The following AP2B1 variants were observed in gnomAD, a reference collection of about 807,000 sequenced individuals.
The protein encoded by AP2B1 is adaptor related protein complex 2 subunit beta 1.
In AP2B1, 23 loss-of-function variants were observed where a neutral mutation model predicts 102.0. The ratio of observed to expected loss-of-function variants is 0.23; its 90% CI spans 0.16 to 0.32. The LOEUF (loss-of-function observed/expected upper bound fraction) is 0.32. Ranked by LOEUF, AP2B1 falls within the 10% of genes least tolerant of loss-of-function variation. The pLI, the probability that AP2B1 is intolerant of heterozygous loss-of-function variation, is 1.00. For missense variants in AP2B1, 541 were observed against 1,157.4 expected (o/e 0.47, Z 7.73); for synonymous variants, 381 against 421.2 (o/e 0.90, Z 1.17).
At chr17:35,655,188 G>T (rs1234976158) in intron 13 of AP2B1, among the ~76,000 whole-genome samples, 1 of 152,076 alleles carries the variant, frequency 6.6e-6, no homozygotes, top group Non-Finnish European at 1.5e-5. Context: ...TAATAGATTA[G>T]TCCAATCTGT....
chr17:35,706,317 G>A (rs1365189128), intron 18 of AP2B1, among the ~76,000 whole-genome samples: 2 of 152,194 alleles, frequency 1.3e-5, no homozygotes, highest in Non-Finnish European at 2.9e-5. Flanking sequence ...TCTTTTGGAA[G>A]AACAAGATGT....
At chr17:35,680,878 A>T (rs2075810166) in intron 17 of AP2B1, among the ~76,000 whole-genome samples, 1 of 151,530 alleles carries the variant, frequency 6.6e-6, no homozygotes, top group Non-Finnish European at 1.5e-5. Context: ...TATTTTTAGT[A>T]GAAATGTTGT....
At chr17:35,719,359 C>CA (rs79483329) in intron 21 of AP2B1, among the ~76,000 whole-genome samples, 3,165 of 142,562 alleles carry the variant, frequency 0.022, 62 homozygotes, top group African/African-American at 0.056. Context: ...TCTGTCACCA[C>CA]AAAAAAAAAA....
At chr17:35,613,241 G>C (rs2073919455) in intron 5 of AP2B1, among the ~76,000 whole-genome samples, 3 of 149,940 alleles carry the variant, frequency 2.0e-5, no homozygotes, top group Non-Finnish European at 3.0e-5. Flanking sequence ...GGGCATCCTA[G>C]ATTTGAAAGC....
At chr17:35,664,378 C>T (rs1483587906) in intron 14 of AP2B1, among the ~76,000 whole-genome samples, 1 of 152,174 alleles carries the variant, frequency 6.6e-6, no homozygotes, top group Admixed American at 6.5e-5. Context: ...CTCAGCCTCC[C>T]AAGTAGCTGG....
At chr17:35,627,831 C>A in intron 9 of AP2B1, 105 bp downstream of exon 9, 1 of 941,710 alleles carries the variant, frequency 1.1e-6, no homozygotes, top group Non-Finnish European at 1.6e-6. Flanking sequence ...ATAAAGCACA[C>A]AGTTTCAATG....
chr17:35,720,397 T>C (rs2085322565), intron 21 of AP2B1, among the ~76,000 whole-genome samples: 1 of 150,320 alleles, frequency 6.7e-6, no homozygotes, highest in South Asian at 2.1e-4. Flanking sequence ...GAAAAAGATA[T>C]CCCAGAAGAA....
At chr17:35,677,356 T>C (rs1293162387) in intron 17 of AP2B1, among the ~76,000 whole-genome samples, 1 of 152,230 alleles carries the variant, frequency 6.6e-6, no homozygotes, top group East Asian at 1.9e-4. Flanking sequence ...TTTTGTGTTC[T>C]AAGAAATCTT....
At chr17:35,638,753 C>T (rs1353367861) in intron 10 of AP2B1, among the ~76,000 whole-genome samples, 1 of 146,950 alleles carries the variant, frequency 6.8e-6, no homozygotes, top group East Asian at 2.0e-4. Context: ...CGTGCCACTG[C>T]ACTCCAGCCT....
At chr17:35,596,498 GT>G (rs1271894743) in intron 2 of AP2B1, among the ~76,000 whole-genome samples, 2 of 149,132 alleles carry the variant, frequency 1.3e-5, no homozygotes, top group Admixed American at 6.7e-5. Context: ...ATCACGTAGT[GT>G]TTGTCCCCAC....
chr17:35,645,887 C>T (rs2074919734), intron 12 of AP2B1, among the ~76,000 whole-genome samples: 1 of 151,958 alleles, frequency 6.6e-6, no homozygotes, highest in African/African-American at 2.4e-5. Context: ...AATGTCTAGA[C>T]GTTAGTAATT....
chr17:35,617,456 T>C (rs1484939970), intron 5 of AP2B1, among the ~76,000 whole-genome samples: 1 of 152,244 alleles, frequency 6.6e-6, no homozygotes, highest in African/African-American at 2.4e-5. Context: ...TTTTTAATTT[T>C]ATAAGATTAA....
At chr17:35,670,777 T>A in intron 14 of AP2B1, 80 bp from the exon 15 acceptor site, 1 of 1,437,966 alleles carries the variant, frequency 7.0e-7, no homozygotes, top group Non-Finnish European at 9.8e-7. Context: ...GTAGAGCAAT[T>A]TACAGATTCT....
chr17:35,623,076 A>G (rs1463698996), intron 5 of AP2B1, among the ~76,000 whole-genome samples: 1 of 149,870 alleles, frequency 6.7e-6, no homozygotes, highest in Admixed American at 6.8e-5. Context: ...AAGCCACAAT[A>G]TATAGTATTT....
At position 35,627,694 on chromosome 17, in the gene AP2B1, C is replaced by T; in HGVS notation, c.1123C>T (p.Arg375Trp). The change falls in exon 9 of 22, where the codon CGG becomes TGG. Residue 375 changes from arginine to tryptophan, a missense_variant. Transcript: ENST00000610402. ...VDVDFVRKAVRAIGRCAIKVE... is the reference protein window; with the variant it reads ...VDVDFVRKAVWAIGRCAIKVE... ...TGTTGACTTTGTTCGAAAAGCTGTG[C>T]GGGCCATTGGACGGTGTGCCATCAA... The T allele has an allele frequency of 6.2e-7, 1 of 1,614,048 alleles. No homozygotes were observed. The highest frequency in any genetic ancestry group is 1.7e-5 in the Admixed American group (1 of 60,002).
chr17:35,611,501 A>G (rs2073864939), intron 5 of AP2B1, among the ~76,000 whole-genome samples: 3 of 152,196 alleles, frequency 2.0e-5, no homozygotes, highest in Admixed American at 2.0e-4. Flanking sequence ...ACGTGCGCAC[A>G]CACACTCAAG....
chr17:35,674,747 A>G (rs1246960762), intron 17 of AP2B1, among the ~76,000 whole-genome samples: 5 of 152,240 alleles, frequency 3.3e-5, no homozygotes, highest in African/African-American at 9.6e-5. Context: ...TGCTGTATGT[A>G]GAGTGAGCCC....
intron 18 of AP2B1, among the ~76,000 whole-genome samples, chr17:35,702,256 C>T (rs1364828905): frequency 6.6e-6 from 1 of 152,050 alleles, no homozygotes; most frequent in Non-Finnish European, 1.5e-5. Flanking sequence ...TTGGGTGGTA[C>T]AGTTTTACAA....
chr17:35,717,821 A>G (rs940443621), intron 21 of AP2B1, among the ~76,000 whole-genome samples: 15 of 152,222 alleles, frequency 9.9e-5, no homozygotes, highest in African/African-American at 3.6e-4. Flanking sequence ...TTGTTATTAA[A>G]GGTGAGGCAA....
Sources: gnomAD v4.1 joint callset for allele counts (sites outside exome capture counted in the v4.1 genomes callset) on GRCh38, gnomAD v4.1.1 for gene constraint, MANE v1.5 for transcripts, NCBI Gene and HGNC (gene_info 2026-07-23, HGNC 2026-07-21) for gene names.